Variants in PI4KA observed in about 807,000 individuals in gnomAD.
PI4KA encodes the protein phosphatidylinositol 4-kinase alpha, also known as PI4-kinase alpha.
A neutral mutation model predicts 271.4 loss-of-function variants in PI4KA; 122 were observed. The observed-to-expected ratio is 0.45, with a 90% CI of 0.39 to 0.52. PI4KA has a LOEUF of 0.52. PI4KA is among the 20% of genes least tolerant of loss of function. The probability of loss-of-function intolerance (pLI) is 0.00; values close to 1 mark genes in which losing one functional copy is unlikely to be tolerated. For missense variants in PI4KA, 1,969 were observed against 2,769.1 expected (o/e 0.71, Z 6.48); for synonymous variants, 1,041 against 1,078.8 (o/e 0.96, Z 0.69).
intron 19 of PI4KA, chr22:20,780,335 C>T (rs1345440584): frequency 7.1e-6 from 10 of 1,400,474 alleles, no homozygotes; most frequent in South Asian, 3.5e-5. Context: ...GACTCTGGAA[C>T]GGGGACAGGG....
At chr22:20,742,577 C>A in intron 31 of PI4KA, 31 bp downstream of exon 31, 1 of 1,612,156 alleles carries the variant, frequency 6.2e-7, no homozygotes, top group Admixed American at 1.7e-5. Flanking sequence ...TAGAAACGAG[C>A]CCAGAATTCC....
At chr22:20,757,320 A>G (rs1020064580) in intron 23 of PI4KA, among the ~76,000 whole-genome samples, 4 of 152,234 alleles carry the variant, frequency 2.6e-5, no homozygotes, top group Admixed American at 2.6e-4. Context: ...ATCAGTTTGA[A>G]ACCATGTGGA....
intron 19 of PI4KA, among the ~76,000 whole-genome samples, chr22:20,772,366 G>A (rs183343142): frequency 5.9e-5 from 9 of 152,336 alleles, no homozygotes; most frequent in East Asian, 1.9e-4. Flanking sequence ...TTGCATGTGT[G>A]AGAACAAGAC....
chr22:20,771,142 A>C (rs1381556678), intron 19 of PI4KA, among the ~76,000 whole-genome samples: 1 of 152,164 alleles, frequency 6.6e-6, no homozygotes, highest in Non-Finnish European at 1.5e-5. Flanking sequence ...TTAAAGCCAT[A>C]CACAAGCTGT....
In PI4KA at chr22:20,763,027, G is replaced by GTA. The variant is rs1555888584; in HGVS notation, c.2709-1642_2709-1641insTA. Among the ~76,000 whole-genome samples the GTA allele has an allele frequency of 7.8e-5, 3 of 38,618 alleles. 1 individual carries two copies. Among genetic ancestry groups the GTA allele is most frequent in the African/African-American group, 7.4e-4 (3 of 4,030 alleles). 25.3% of individuals were successfully genotyped at this position (38,618 alleles called of 152,430 possible). A position where few individuals can be genotyped will look rare whatever the true frequency, so the allele number is the denominator to read the frequency against. ...TTTTGCTTTTTTTTTTGGGGGGGGGGGGGGTTAGAGACAAGTTCTTGCTCT... is the reference window on the plus strand; with the variant it reads ...TTTTGCTTTTTTTTTTGGGGGGGGGGTAGGGGTTAGAGACAAGTTCTTGCTCT... On this transcript the variant is annotated intron_variant, in intron 22 of 54. Transcript: ENST00000255882.
At chr22:20,734,734 G>A in intron 32 of PI4KA, 181 bp from the exon 33 acceptor site, 1 of 792,424 alleles carries the variant, frequency 1.3e-6, no homozygotes, top group Non-Finnish European at 2.0e-6. Flanking sequence ...CTGTGTCAGT[G>A]CTTGGTGTAT....
chr22:20,815,379 C>CAAAAAAAAAAAAAAAAAAAAAAAAAAA (rs361826), intron 7 of PI4KA, among the ~76,000 whole-genome samples: 2 of 83,970 alleles, frequency 2.4e-5, no homozygotes, highest in Non-Finnish European at 4.8e-5. Context: ...GACTGCGTCT[C>CAAAAAAAAAAAAAAAAAAAAAAAAAAA]AAAAAAAAAA....
At chr22:20,820,632 A>AG (rs1304941276) in intron 4 of PI4KA, 21 bp from the exon 5 acceptor site, 12 of 1,536,580 alleles carry the variant, frequency 7.8e-6, no homozygotes, top group Non-Finnish European at 1.1e-5. Context: ...CAAGGAAACA[A>AG]GAAAAAAAAA....
chr22:20,804,477 C>T (rs1935519637), intron 11 of PI4KA, 77 bp from the exon 12 acceptor site: 2 of 1,005,814 alleles, frequency 2.0e-6, no homozygotes, highest in Non-Finnish European at 3.2e-6. Flanking sequence ...ACCAAGTAAG[C>T]ACAGAATTTA....
intron 19 of PI4KA, chr22:20,780,260 G>A: frequency 6.2e-7 from 1 of 1,611,102 alleles, no homozygotes; most frequent in Non-Finnish European, 8.5e-7. Context: ...TTTGTATGTG[G>A]GTAGATTGAA....
At chr22:20,775,429 C>A (rs963747418) in intron 19 of PI4KA, among the ~76,000 whole-genome samples, 3 of 152,114 alleles carry the variant, frequency 2.0e-5, no homozygotes, top group Non-Finnish European at 4.4e-5. Flanking sequence ...ATGACGAAAA[C>A]TATTTTTGGC....
intron 47 of PI4KA, among the ~76,000 whole-genome samples, chr22:20,714,043 C>G (rs1925667976): frequency 6.6e-6 from 1 of 152,190 alleles, no homozygotes; most frequent in African/African-American, 2.4e-5. Flanking sequence ...CAAGGAGTGC[C>G]AGGACTGCTG....
chr22:20,713,771 C>G (rs1925639878), intron 47 of PI4KA, among the ~76,000 whole-genome samples: 1 of 152,222 alleles, frequency 6.6e-6, no homozygotes, highest in African/African-American at 2.4e-5. Context: ...CCATGGGAGG[C>G]AGGTCCCTGC....
chr22:20,734,518 C>A lies in PI4KA; in HGVS notation c.3777G>T (p.Thr1259=), dbSNP rs364820. 3.7e-6 allele frequency: 6 copies of A among 1,613,940 alleles called. No homozygotes were observed. Among genetic ancestry groups the A allele is most frequent in the African/African-American group, 2.7e-5 (2 of 75,040 alleles). Residue 1259 remains threonine (T), a synonymous_variant, in exon 33 of 55, where the codon ACG becomes ACT. Coordinates refer to ENST00000255882, the MANE Select transcript of PI4KA (RefSeq NM_058004.4). Reference sequence around the variant, plus strand: ...AAAACAGGCCAAATTTCTGCTCCACCGTCATGTGCCAGGCCCCTGCCATCT... The same window carrying A: ...AAAACAGGCCAAATTTCTGCTCCACAGTCATGTGCCAGGCCCCTGCCATCT... The part of the protein sequence containing the change: ...MREMAGAWHM[T]VEQKFGLFSA...
intron 30 of PI4KA, among the ~76,000 whole-genome samples, chr22:20,743,614 C>G (rs1929717433): frequency 6.6e-6 from 1 of 152,188 alleles, no homozygotes; most frequent in South Asian, 2.1e-4. Context: ...AGCCACTGTG[C>G]TTGGCCAACC....
intron 7 of PI4KA, among the ~76,000 whole-genome samples, chr22:20,817,216 G>C (rs1188594246): frequency 1.3e-5 from 2 of 152,100 alleles, no homozygotes; most frequent in African/African-American, 4.8e-5. Flanking sequence ...TCTCGAAACT[G>C]TCTTGAGACA....
intron 27 of PI4KA, 112 bp from the exon 28 acceptor site, chr22:20,750,106 A>C: frequency 1.4e-6 from 1 of 708,274 alleles, no homozygotes; most frequent in Non-Finnish European, 2.6e-6. Flanking sequence ...CTGCGCCTTA[A>C]CTGGTACCAG....
At chr22:20,730,148 G>T in intron 36 of PI4KA, 137 bp from the exon 37 acceptor site, 1 of 890,418 alleles carries the variant, frequency 1.1e-6, no homozygotes, top group Non-Finnish European at 1.7e-6. Flanking sequence ...ATCGACTGCA[G>T]GAACAAATCT....
chr22:20,831,626 A>G (rs1318566207), intron 3 of PI4KA, among the ~76,000 whole-genome samples: 1 of 151,338 alleles, frequency 6.6e-6, no homozygotes, highest in African/African-American at 2.4e-5. Context: ...AAACAAAACA[A>G]AAAGGCTGAA....
Sources: allele counts gnomAD v4.1 joint callset (sites outside exome capture counted in the v4.1 genomes callset), GRCh38; gene constraint gnomAD v4.1.1; transcripts MANE v1.5; gene names NCBI Gene and HGNC (gene_info 2026-07-23, HGNC 2026-07-21).